BCAT1: variants seen among roughly 807,000 people sequenced by gnomAD.
BCAT1 encodes the protein branched-chain-amino-acid aminotransferase, cytosolic.
Under a neutral mutation model 52.4 loss-of-function variants are expected in BCAT1, and 48 were observed. The observed-to-expected ratio is 0.92, with a 90% CI of 0.73 to 1.16. BCAT1 has a LOEUF of 1.16. BCAT1 is among the 50% of genes most tolerant of loss of function. BCAT1 has a pLI of 0.00. For synonymous variants in BCAT1, 167 were observed against 161.3 expected (o/e 1.04, Z -0.27); for missense variants, 451 against 457.1 (o/e 0.99, Z 0.12).
intron 1 of BCAT1, among the ~76,000 whole-genome samples, chr12:24,930,926 A>T (rs1168434988): frequency 8.2e-6 from 1 of 121,482 alleles, no homozygotes; most frequent in Non-Finnish European, 1.6e-5. Flanking sequence ...TTTGAGATAG[A>T]GTCTTGCTCT....
At chr12:24,835,118 C>A (rs1268621367) in intron 8 of BCAT1, among the ~76,000 whole-genome samples, 1 of 152,136 alleles carries the variant, frequency 6.6e-6, no homozygotes, top group African/African-American at 2.4e-5. Context: ...TTTAATAAAA[C>A]AAAAATTACT....
At chr12:24,864,444 A>G (rs1941943254) in intron 5 of BCAT1, among the ~76,000 whole-genome samples, 1 of 152,190 alleles carries the variant, frequency 6.6e-6, no homozygotes. Flanking sequence ...CCAAGACACT[A>G]TGGTGTCAAT....
chr12:24,832,725 C>G lies in BCAT1; in HGVS notation c.1042G>C (p.Glu348Gln). ...CPVSDILYKG[E>Q]TIHIPTMENG... ...AAATGAGGAAATACTTGTCGTACCT[C>G]GCCTTTGTACAGTATATCAGAAACT... The change falls in exon 9 of 11, where the codon GAG becomes CAG. Residue 348 changes from glutamate (E) to glutamine (Q), a missense_variant and splice_region_variant. By Grantham distance (29) the Glu-to-Gln change is conservative (BLOSUM62 2). Coordinates refer to ENST00000261192, the MANE Select transcript of BCAT1 (RefSeq NM_005504.7). 1 of 1,603,198 alleles carries G rather than the reference C, an allele frequency of 6.2e-7. No individual in the cohort carries two copies. The highest frequency in any genetic ancestry group is 1.3e-5 in the African/African-American group (1 of 74,722).
intron 10 of BCAT1, among the ~76,000 whole-genome samples, chr12:24,821,215 T>C (rs1189789728): frequency 6.6e-6 from 1 of 152,218 alleles, no homozygotes; most frequent in Non-Finnish European, 1.5e-5. Context: ...CTAATAGTCA[T>C]TTGTCCTTGA....
At chr12:24,896,256 T>C (rs1942958144) in intron 2 of BCAT1, among the ~76,000 whole-genome samples, 1 of 152,230 alleles carries the variant, frequency 6.6e-6, no homozygotes, top group Non-Finnish European at 1.5e-5. Flanking sequence ...ATTATTTTTA[T>C]CTTTGAATCC....
chr12:24,884,344 G>A (rs559023210), intron 3 of BCAT1, among the ~76,000 whole-genome samples: 11 of 152,292 alleles, frequency 7.2e-5, no homozygotes, highest in African/African-American at 2.6e-4. Flanking sequence ...AGGAGGCTAG[G>A]GGTTGGGGAA....
chr12:24,926,550 A>T (rs1943590805), intron 1 of BCAT1, among the ~76,000 whole-genome samples: 3 of 152,252 alleles, frequency 2.0e-5, no homozygotes, highest in Admixed American at 2.0e-4. Context: ...TAGAGAAATC[A>T]GATTGTTGCT....
At chr12:24,901,941 G>C (rs778918590) in intron 1 of BCAT1, 56 bp from the exon 2 acceptor site, 4 of 1,613,060 alleles carry the variant, frequency 2.5e-6, no homozygotes, top group Non-Finnish European at 3.4e-6. Flanking sequence ...GCGGGACCCG[G>C]GGTAACCTAC....
chr12:24,835,604 T>C (rs1946031376), intron 8 of BCAT1, among the ~76,000 whole-genome samples: 2 of 151,250 alleles, frequency 1.3e-5, no homozygotes, highest in South Asian at 4.2e-4. Flanking sequence ...TAATTTACTT[T>C]TAGAGACATG....
At position 24,888,742 on chromosome 12, in the gene BCAT1, T is replaced by TAAG. The variant is rs141482011; in HGVS notation, c.279+5530_279+5532dup. ...GACACTATAATAATGATACAGGAGTTAAGAAATCACCTGCAGATAGTGAGG... is the reference window on the plus strand; with the variant it reads ...GACACTATAATAATGATACAGGAGTTAAGAAGAAATCACCTGCAGATAGTGAGG... On this transcript the variant is annotated intron_variant, in intron 3 of 10. Coordinates refer to ENST00000261192, the MANE Select transcript of BCAT1 (RefSeq NM_005504.7). Among the ~76,000 whole-genome samples the TAAG allele has an allele frequency of 7.5e-3, 1,145 of 152,250 alleles. 9 individuals are homozygous for TAAG. The highest frequency in any genetic ancestry group is 0.027 in the African/African-American group (1,107 of 41,556).
chr12:24,813,589 A>G lies in BCAT1; in HGVS notation c.*4419T>C, dbSNP rs1276855508. 6.6e-6 allele frequency: 1 copy of G among 152,030 alleles called. No individual in the cohort carries two copies. The highest frequency in any genetic ancestry group is 1.5e-5 in the Non-Finnish European group (1 of 67,904). The allele number at this position is 152,030 out of a possible 1,614,324, so 9.4% of individuals were successfully genotyped here. On this transcript the variant is annotated 3_prime_UTR_variant, in exon 11 of 11. Transcript: ENST00000261192. ...ACCATGATAACTCAACATTGTTTGA[A>G]AAGAATTCAGTCAACACATGTACTA...
chr12:24,855,910 G>A (rs769135413), intron 5 of BCAT1, among the ~76,000 whole-genome samples: 1 of 151,886 alleles, frequency 6.6e-6, no homozygotes, highest in African/African-American at 2.4e-5. Flanking sequence ...TTACAAGCAT[G>A]AGCCACCACA....
chr12:24,872,732 G>A (rs547760698), intron 5 of BCAT1, among the ~76,000 whole-genome samples: 2 of 152,354 alleles, frequency 1.3e-5, no homozygotes, highest in South Asian at 4.1e-4. Context: ...TCTGGTCACA[G>A]TCCTGGTTGG....
intron 5 of BCAT1, among the ~76,000 whole-genome samples, chr12:24,859,837 T>A (rs1179851082): frequency 6.6e-6 from 1 of 152,146 alleles, no homozygotes; most frequent in African/African-American, 2.4e-5. Flanking sequence ...AGTCCAAAAA[T>A]GACATATTTG....
rs1056465942 is a variant in BCAT1, at chr12:24,836,671, T to A, written c.818-75A>T. 42 of 1,229,182 alleles carry A rather than the reference T, an allele frequency of 3.4e-5. 1 individual carries two copies. The highest frequency in any genetic ancestry group is 3.7e-4 in the Middle Eastern group (2 of 5,340). 76.1% of individuals were successfully genotyped at this position (1,229,182 alleles called of 1,614,324 possible). A position where few individuals can be genotyped will look rare whatever the true frequency, so the allele number is the denominator to read the frequency against. On this transcript the variant is annotated intron_variant, in intron 7 of 10. Transcript: ENST00000261192. ...GCCTTATTATCAATAGCCATTTTTT[T>A]AAAAAACCATCACAATTTTGCTAGC... is the stretch of plus-strand genomic sequence containing the variant.
At chr12:24,941,148 T>G (rs1245012009) in intron 1 of BCAT1, among the ~76,000 whole-genome samples, 1 of 152,220 alleles carries the variant, frequency 6.6e-6, no homozygotes, top group Admixed American at 6.5e-5. Context: ...ACTGAGTTTG[T>G]TCATTACGAT....
At chr12:24,902,284 G>A (rs1943128678) in intron 1 of BCAT1, 7 of 1,320,158 alleles carry the variant, frequency 5.3e-6, no homozygotes, top group African/African-American at 1.5e-5. Context: ...CAGCCTCGTG[G>A]TCTTGTCAAT....
intron 5 of BCAT1, among the ~76,000 whole-genome samples, chr12:24,868,253 A>C (rs1336166823): frequency 1.3e-5 from 2 of 152,204 alleles, no homozygotes; most frequent in Non-Finnish European, 2.9e-5. Flanking sequence ...ATAATGTTAC[A>C]TCTTGTAATT....
rs549667950 is a variant in BCAT1 at position 24,855,919 on chromosome 12, C to T, written c.511-5970G>A. ...CTGAGGTTACAAGCATGAGCCACCA[C>T]ACCTGGCCTGCTGATCCCATCTTTA... is the stretch of plus-strand genomic sequence containing the variant. On this transcript the variant is annotated intron_variant, in intron 5 of 10. Transcript: ENST00000261192. 4.6e-5 allele frequency among the ~76,000 whole-genome samples: 7 copies of T among 152,210 alleles called. No homozygotes were observed. In the South Asian group the frequency reaches 6.2e-4, roughly 14 times the overall value.
Sources: gnomAD v4.1 joint callset for allele counts (sites outside exome capture counted in the v4.1 genomes callset) on GRCh38, gnomAD v4.1.1 for gene constraint, MANE v1.5 for transcripts, NCBI Gene and HGNC (gene_info 2026-07-23, HGNC 2026-07-21) for gene names.